The following GALNT17 variants were observed in gnomAD, a reference collection of about 807,000 sequenced individuals.
GALNT17 encodes polypeptide N-acetylgalactosaminyltransferase 17.
In GALNT17, 29 loss-of-function variants were observed where a neutral mutation model predicts 63.7. The ratio of observed to expected loss-of-function variants is 0.46; its 90% CI spans 0.34 to 0.62. The LOEUF (loss-of-function observed/expected upper bound fraction) is 0.62, where lower values mean the gene tolerates loss of function less well. Ranked by LOEUF, GALNT17 falls within the 20% of genes least tolerant of loss-of-function variation. The pLI, the probability that GALNT17 is intolerant of heterozygous loss-of-function variation, is 0.01. For missense variants in GALNT17, 603 were observed against 799.6 expected (o/e 0.75, Z 2.97); for synonymous variants, 305 against 318.3 (o/e 0.96, Z 0.45).
intron 5 of GALNT17, among the ~76,000 whole-genome samples, chr7:71,472,246 C>T (rs1324395343): frequency 6.6e-6 from 1 of 152,128 alleles, no homozygotes. Flanking sequence ...GGCTCCACCT[C>T]CTAAAACCAT....
chr7:71,263,607 A>G (rs1790428046), intron 1 of GALNT17, among the ~76,000 whole-genome samples: 1 of 152,192 alleles, frequency 6.6e-6, no homozygotes, highest in East Asian at 1.9e-4. Context: ...TGGGCTTGCA[A>G]ACACCTGGAG....
At chr7:71,561,317 TG>T (rs1415899292) in intron 5 of GALNT17, among the ~76,000 whole-genome samples, 1 of 152,064 alleles carries the variant, frequency 6.6e-6, no homozygotes, top group Admixed American at 6.6e-5. Context: ...CAGCCTGAAA[TG>T]AGTGAATTTG....
chr7:71,150,278 C>T (rs967488506), intron 1 of GALNT17, among the ~76,000 whole-genome samples: 8 of 152,052 alleles, frequency 5.3e-5, no homozygotes, highest in African/African-American at 1.7e-4. Flanking sequence ...CGGCATAGAA[C>T]TACCGTGGTC....
chr7:71,704,826 A>T (rs1036553581), intron 9 of GALNT17, among the ~76,000 whole-genome samples: 1 of 151,974 alleles, frequency 6.6e-6, no homozygotes, highest in Non-Finnish European at 1.5e-5. Context: ...AAAAAGAGTG[A>T]ATTTGGACCT....
At chr7:71,193,454 C>CTTTTTTT (rs1159902249) in intron 1 of GALNT17, among the ~76,000 whole-genome samples, 12 of 107,316 alleles carry the variant, frequency 1.1e-4, no homozygotes, top group Non-Finnish European at 1.3e-4. Flanking sequence ...ACGCTTTTGT[C>CTTTTTTT]TTTTTTTTTT....
chr7:71,452,401 G>T (rs1444504099), intron 5 of GALNT17, among the ~76,000 whole-genome samples: 1 of 151,832 alleles, frequency 6.6e-6, no homozygotes, highest in African/African-American at 2.4e-5. Flanking sequence ...CAAAAATTAG[G>T]CAGGCATGGT....
At chr7:71,698,496 A>C (rs1791578303) in intron 9 of GALNT17, among the ~76,000 whole-genome samples, 1 of 152,180 alleles carries the variant, frequency 6.6e-6, no homozygotes, top group South Asian at 2.1e-4. Flanking sequence ...TTTGAATTTT[A>C]TTGAGGGGAA....
chr7:71,412,867 A>G (rs1563074046), intron 3 of GALNT17, among the ~76,000 whole-genome samples: 1 of 152,072 alleles, frequency 6.6e-6, no homozygotes, highest in Non-Finnish European at 1.5e-5. Context: ...ACATAGCAAA[A>G]TTCTGTCTCC....
intron 1 of GALNT17, among the ~76,000 whole-genome samples, chr7:71,248,089 C>T (rs998474215): frequency 6.6e-6 from 1 of 152,146 alleles, no homozygotes; most frequent in African/African-American, 2.4e-5. Context: ...TTAATTGACT[C>T]ACAGCTCCGC....
chr7:71,542,978 G>A (rs1340099306), intron 5 of GALNT17, among the ~76,000 whole-genome samples: 2 of 151,588 alleles, frequency 1.3e-5, no homozygotes, highest in African/African-American at 4.8e-5. Context: ...TGTTTGGTGT[G>A]GGAGGGCTTC....
intron 5 of GALNT17, among the ~76,000 whole-genome samples, chr7:71,439,988 C>T (rs1301996309): frequency 6.7e-6 from 1 of 149,220 alleles, no homozygotes; most frequent in Non-Finnish European, 1.5e-5. Context: ...CTCTGTCACC[C>T]AGGCTGGAAT....
intron 9 of GALNT17, among the ~76,000 whole-genome samples, chr7:71,698,435 C>A (rs944543789): frequency 1.3e-5 from 2 of 152,006 alleles, no homozygotes; most frequent in African/African-American, 4.8e-5. Context: ...GAGATATAAC[C>A]AAAATACTGA....
intron 5 of GALNT17, among the ~76,000 whole-genome samples, chr7:71,492,745 T>C (rs904614663): frequency 2.0e-5 from 3 of 152,200 alleles, no homozygotes; most frequent in African/African-American, 7.2e-5. Flanking sequence ...GAGAATGCAG[T>C]TGGACAATAG....
intron 6 of GALNT17, among the ~76,000 whole-genome samples, chr7:71,592,346 G>C (rs1789814916): frequency 1.3e-5 from 2 of 151,764 alleles, no homozygotes; most frequent in African/African-American, 4.8e-5. Context: ...AGGTGGGCTG[G>C]CTGCCAGCTG....
chr7:71,180,357 C>A (rs768109328), intron 1 of GALNT17, among the ~76,000 whole-genome samples: 3 of 152,060 alleles, frequency 2.0e-5, no homozygotes, highest in Non-Finnish European at 4.4e-5. Context: ...CTCCTGAGCT[C>A]AGGAAATCCA....
intron 6 of GALNT17, among the ~76,000 whole-genome samples, chr7:71,633,624 C>T (rs1261106778): frequency 6.6e-6 from 1 of 152,108 alleles, no homozygotes; most frequent in Admixed American, 6.5e-5. Flanking sequence ...TGCCTCATTG[C>T]CCTCTGAGGG....
intron 1 of GALNT17, among the ~76,000 whole-genome samples, chr7:71,232,568 G>GT (rs964891682): frequency 1.3e-5 from 2 of 152,210 alleles, no homozygotes; most frequent in African/African-American, 4.8e-5. Flanking sequence ...ACCTGGGAAG[G>GT]TTTTTGGCTT....
At chr7:71,640,010 A>G (rs1180309575) in intron 6 of GALNT17, among the ~76,000 whole-genome samples, 1 of 152,204 alleles carries the variant, frequency 6.6e-6, no homozygotes, top group African/African-American at 2.4e-5. Context: ...AAACAAAGCA[A>G]GAGTGGGGAA....
chr7:71,161,476 T>C (rs569923705), intron 1 of GALNT17, among the ~76,000 whole-genome samples: 52 of 152,194 alleles, frequency 3.4e-4, no homozygotes, highest in Non-Finnish European at 5.3e-4. Context: ...TTAATATTTA[T>C]TACGAATATG....
Sources: gnomAD v4.1 joint callset for allele counts (sites outside exome capture counted in the v4.1 genomes callset) on GRCh38, gnomAD v4.1.1 for gene constraint, MANE v1.5 for transcripts, NCBI Gene and HGNC (gene_info 2026-07-23, HGNC 2026-07-21) for gene names.